Variants in NCOR1 observed in about 807,000 individuals in gnomAD.
The protein encoded by NCOR1 is protein phosphatase 1, regulatory subunit 109.
NCOR1 carries 63 observed loss-of-function variants against 288.1 expected under a neutral mutation model. The observed-to-expected ratio is 0.22, with a 90% CI of 0.18 to 0.27. The LOEUF (loss-of-function observed/expected upper bound fraction) is 0.27. Among genes scored for constraint, NCOR1 ranks in the 10% least tolerant of loss-of-function variants. The probability of loss-of-function intolerance (pLI) is 1.00; values close to 1 mark genes in which losing one functional copy is unlikely to be tolerated. For missense variants in NCOR1, 2,397 were observed against 3,019.2 expected, an observed-to-expected ratio of 0.79 and a Z score of 4.83; for synonymous variants, 1,007 against 1,065.9, an observed-to-expected ratio of 0.94 and a Z score of 1.08.
At position 16,151,923 on chromosome 17, in the gene NCOR1, C is replaced by G. The variant is rs73280269; in HGVS notation, c.842+23G>C. 3.4e-3 allele frequency: 5,402 copies of G among 1,566,822 alleles called. 151 individuals are homozygous for G. The African/African-American group carries it at 0.064, about 19-fold the overall frequency. ...GAATATACGGTCTTTAATTGAAGAA[C>G]TCCAAAGATGATCAATACTTACGTC... On this transcript the variant is annotated intron_variant, in intron 8 of 45. Transcript: ENST00000268712.
At chr17:16,050,345 C>T (rs576055945) in intron 40 of NCOR1, among the ~76,000 whole-genome samples, 39 of 152,202 alleles carry the variant, frequency 2.6e-4, no homozygotes, top group African/African-American at 8.9e-4. Context: ...GCCTCAGCCT[C>T]CTGAATAGCT....
At chr17:16,206,469 T>G (rs1224393605) in intron 1 of NCOR1, among the ~76,000 whole-genome samples, 2 of 152,146 alleles carry the variant, frequency 1.3e-5, no homozygotes, top group Non-Finnish European at 2.9e-5. Flanking sequence ...CACTGCAACC[T>G]CCACCTCCCA....
chr17:16,207,567 C>G (rs1228446739), intron 1 of NCOR1, among the ~76,000 whole-genome samples: 1 of 151,808 alleles, frequency 6.6e-6, no homozygotes, highest in African/African-American at 2.4e-5. Context: ...CAGTGAAACC[C>G]CATCTCTACT....
At chr17:16,172,157 TC>T in intron 3 of NCOR1, 162 bp from the exon 4 acceptor site, 1 of 523,774 alleles carries the variant, frequency 1.9e-6, no homozygotes, top group African/African-American at 2.0e-5. Flanking sequence ...AATATATACC[TC>T]ACTATAGTAC....
At chr17:16,127,833 C>T (rs1306417384) in intron 14 of NCOR1, among the ~76,000 whole-genome samples, 1 of 151,596 alleles carries the variant, frequency 6.6e-6, no homozygotes, top group African/African-American at 2.4e-5. Context: ...AACATATCCC[C>T]TGTGAATAAG....
intron 18 of NCOR1, among the ~76,000 whole-genome samples, chr17:16,117,347 C>T (rs1044916854): frequency 2.6e-5 from 4 of 151,970 alleles, no homozygotes; most frequent in Non-Finnish European, 5.9e-5. Context: ...TCATGATGGG[C>T]CTTGTTTGGA....
At chr17:16,178,164 C>T (rs551176944) in intron 3 of NCOR1, among the ~76,000 whole-genome samples, 1 of 151,490 alleles carries the variant, frequency 6.6e-6, no homozygotes, top group Middle Eastern at 3.4e-3. Flanking sequence ...GATTGCGCCA[C>T]TGCACTCCAG....
Position 16,215,521 on chromosome 17 carries a change from C to CGCCATCTTGACT in NCOR1, c.-242_-231dup. ...GCGGCTGCTGCTTCGCCACCTTGGC[C>CGCCATCTTGACT]GCCATCTTGACTCAACCCCTCTCCC... is the stretch of plus-strand genomic sequence containing the variant. On this transcript the variant is annotated 5_prime_UTR_variant, in exon 1 of 46. In the 5' UTR this introduces an upstream ATG that the reference lacks. Coordinates refer to ENST00000268712, the MANE Select transcript of NCOR1 (RefSeq NM_006311.4). 1 of 399,022 alleles carries CGCCATCTTGACT rather than the reference C, an allele frequency of 2.5e-6. No individual in the cohort carries two copies. 24.7% of individuals were successfully genotyped at this position (399,022 alleles called of 1,614,324 possible).
chr17:16,115,218 T>C (rs2153101992), intron 18 of NCOR1, among the ~76,000 whole-genome samples: 1 of 152,312 alleles, frequency 6.6e-6, no homozygotes, highest in East Asian at 1.9e-4. Context: ...ACCAAGTCCC[T>C]GGGCTGCAAA....
chr17:16,150,901 CACTT>C (rs1189653023), intron 8 of NCOR1, among the ~76,000 whole-genome samples: 3 of 151,964 alleles, frequency 2.0e-5, no homozygotes. Flanking sequence ...TATTATGAAC[CACTT>C]ACTTAACAAA....
intron 21 of NCOR1, among the ~76,000 whole-genome samples, chr17:16,094,212 C>T (rs1460982937): frequency 6.6e-6 from 1 of 152,008 alleles, no homozygotes; most frequent in East Asian, 1.9e-4. Flanking sequence ...GCCTCTTTGC[C>T]TTATTATGCA....
intron 40 of NCOR1, among the ~76,000 whole-genome samples, chr17:16,054,266 C>A (rs145426239): frequency 7.9e-5 from 12 of 152,134 alleles, no homozygotes; most frequent in Admixed American, 3.3e-4. Context: ...AGTGAACAGA[C>A]AACCTACAGA....
At chr17:16,209,538 C>T (rs564926658) in intron 1 of NCOR1, among the ~76,000 whole-genome samples, 197 of 147,964 alleles carry the variant, frequency 1.3e-3, no homozygotes, top group Admixed American at 2.6e-3. Flanking sequence ...CTGGGCAAAA[C>T]AATCAGACCC....
intron 45 of NCOR1, among the ~76,000 whole-genome samples, chr17:16,033,710 G>C (rs1226597783): frequency 6.6e-6 from 1 of 152,116 alleles, no homozygotes; most frequent in African/African-American, 2.4e-5. Flanking sequence ...CATACATTAA[G>C]TTTACAAATA....
intron 6 of NCOR1, among the ~76,000 whole-genome samples, chr17:16,154,856 C>T (rs760581789): frequency 2.5e-4 from 38 of 152,082 alleles, no homozygotes; most frequent in Non-Finnish European, 4.6e-4. Flanking sequence ...AGGAAAGAAG[C>T]GTAAGACCAG....
intron 42 of NCOR1, 54 bp downstream of exon 42, chr17:16,046,897 A>G (rs767357501): frequency 2.5e-6 from 4 of 1,594,704 alleles, no homozygotes; most frequent in Non-Finnish European, 3.4e-6. Flanking sequence ...AACACTGGAG[A>G]TATCATTATT....
At chr17:16,045,083 G>C in intron 42 of NCOR1, 2 of 335,010 alleles carry the variant, frequency 6.0e-6, no homozygotes, top group South Asian at 6.2e-5. Flanking sequence ...GATAAGACTG[G>C]GGGGATAGTT....
chr17:16,191,012 T>C (rs1401619338), intron 2 of NCOR1, among the ~76,000 whole-genome samples: 3 of 152,234 alleles, frequency 2.0e-5, no homozygotes, highest in East Asian at 1.9e-4. Flanking sequence ...GGATAAGCCA[T>C]AGGAACTGAA....
intron 3 of NCOR1, among the ~76,000 whole-genome samples, chr17:16,172,406 G>A (rs1320114075): frequency 1.3e-5 from 2 of 152,032 alleles, no homozygotes; most frequent in Non-Finnish European, 1.5e-5. Context: ...ATCTAGAAGT[G>A]AAAGACAAAA....
Sources: gnomAD v4.1 joint callset for allele counts (sites outside exome capture counted in the v4.1 genomes callset) on GRCh38, gnomAD v4.1.1 for gene constraint, MANE v1.5 for transcripts, NCBI Gene and HGNC (gene_info 2026-07-23, HGNC 2026-07-21) for gene names.